PARD3: variants seen among roughly 807,000 people sequenced by gnomAD.
PARD3 encodes the protein par-3 family cell polarity regulator, also known as partitioning defective 3 homolog.
A neutral mutation model predicts 155.4 loss-of-function variants in PARD3; 75 were observed. The observed-to-expected ratio is 0.48, with a 90% CI of 0.40 to 0.58. The LOEUF is 0.58. PARD3 is among the 20% of genes least tolerant of loss of function. The probability of loss-of-function intolerance (pLI) is 0.00; values close to 1 mark genes in which losing one functional copy is unlikely to be tolerated. For synonymous variants in PARD3, 576 were observed against 610.5 expected (o/e 0.94, Z 0.83); for missense variants, 1,642 against 1,721.7 (o/e 0.95, Z 0.82).
In PARD3 at chr10:34,612,178, G is replaced by C. The variant is rs2090961078; in HGVS notation, c.222+84140C>G. Among the ~76,000 whole-genome samples, 2 of 152,072 alleles carry C rather than the reference G, an allele frequency of 1.3e-5. 1 individual carries two copies. Among genetic ancestry groups the C allele is most frequent in the African/African-American group, 4.8e-5 (2 of 41,396 alleles). On this transcript the variant is annotated intron_variant, in intron 2 of 24. Coordinates refer to ENST00000374788, the MANE Select transcript of PARD3 (RefSeq NM_001184785.2). ...AATGTAGTATGCATCTGTTCATGCA[G>C]TATATAACCTATACAGAAACATAAC...
chr10:34,351,236 T>C (rs556641045), intron 14 of PARD3, among the ~76,000 whole-genome samples: 1 of 147,658 alleles, frequency 6.8e-6, no homozygotes, highest in South Asian at 2.4e-4. Flanking sequence ...CAAGATCATA[T>C]TATTCAATAT....
Position 34,805,892 on chromosome 10 carries a change from G to A in PARD3, c.120+8984C>T, listed in dbSNP as rs879599128. 3.3e-5 allele frequency among the ~76,000 whole-genome samples: 5 copies of A among 152,066 alleles called. 1 individual carries two copies. Among genetic ancestry groups the A allele is most frequent in the African/African-American group, 1.2e-4 (5 of 41,524 alleles). ...CTCGGGAGGCTGAGGCAGGAGAATG[G>A]CGTGAACCTAGGAGGTGGAGCTTGC... On this transcript the variant is annotated intron_variant, in intron 1 of 24. Coordinates refer to ENST00000374788, the MANE Select transcript of PARD3 (RefSeq NM_001184785.2).
At chr10:34,345,162 CA>C in intron 15 of PARD3, 1 of 985,204 alleles carries the variant, frequency 1.0e-6, no homozygotes, top group Middle Eastern at 5.2e-4. Context: ...CAAAGTAAAA[CA>C]AAAAACATCA....
intron 5 of PARD3, among the ~76,000 whole-genome samples, chr10:34,439,841 G>A (rs890975698): frequency 7.2e-5 from 11 of 151,922 alleles, no homozygotes; most frequent in East Asian, 1.9e-4. Context: ...CCGCAATACC[G>A]TACTTTAATT....
intron 2 of PARD3, among the ~76,000 whole-genome samples, chr10:34,544,860 A>C (rs749785584): frequency 6.6e-6 from 1 of 152,190 alleles, no homozygotes; most frequent in East Asian, 1.9e-4. Flanking sequence ...ACACTGGAGC[A>C]CCTCTTGCTT....
chr10:34,506,049 C>T (rs960796963), intron 3 of PARD3, among the ~76,000 whole-genome samples: 1 of 152,062 alleles, frequency 6.6e-6, no homozygotes, highest in Non-Finnish European at 1.5e-5. Context: ...TCACTTGAAC[C>T]CAGGAGGTGG....
chr10:34,114,307 TC>T (rs1564402592), intron 24 of PARD3, among the ~76,000 whole-genome samples: 1 of 152,158 alleles, frequency 6.6e-6, no homozygotes, highest in Non-Finnish European at 1.5e-5. Flanking sequence ...TAGGGAGGCA[TC>T]TTTTTGACCA....
At chr10:34,294,868 A>C (rs1202006470) in intron 20 of PARD3, among the ~76,000 whole-genome samples, 1 of 152,156 alleles carries the variant, frequency 6.6e-6, no homozygotes, top group Non-Finnish European at 1.5e-5. Context: ...ATTTGCTTAA[A>C]GTCACCATCT....
chr10:34,163,152 A>G (rs912841272), intron 22 of PARD3, among the ~76,000 whole-genome samples: 1 of 152,196 alleles, frequency 6.6e-6, no homozygotes, highest in East Asian at 1.9e-4. Flanking sequence ...TACCCTTGGT[A>G]GGACTTAGAG....
chr10:34,529,371 C>A (rs2082684745), intron 2 of PARD3, among the ~76,000 whole-genome samples: 1 of 152,164 alleles, frequency 6.6e-6, no homozygotes, highest in South Asian at 2.1e-4. Context: ...TTTCACAAAA[C>A]TAGGGAAAGA....
intron 22 of PARD3, among the ~76,000 whole-genome samples, chr10:34,223,101 C>T (rs1346689116): frequency 1.3e-5 from 2 of 152,054 alleles, no homozygotes; most frequent in Non-Finnish European, 2.9e-5. Context: ...TGAAGCTGGA[C>T]GTGTGGGGTC....
chr10:34,303,129 A>T (rs549900380), intron 20 of PARD3, among the ~76,000 whole-genome samples: 1 of 150,496 alleles, frequency 6.6e-6, no homozygotes, highest in East Asian at 2.0e-4. Context: ...GTGAAAAATA[A>T]AACCCTCAGA....
At chr10:34,467,329 T>TGTGTG (rs2078070980) in intron 4 of PARD3, among the ~76,000 whole-genome samples, 1 of 146,986 alleles carries the variant, frequency 6.8e-6, no homozygotes, top group African/African-American at 2.5e-5. Context: ...TGACTCCAAC[T>TGTGTG]TGTGTGTGTG....
At chr10:34,566,981 G>C (rs1053657988) in intron 2 of PARD3, among the ~76,000 whole-genome samples, 6 of 152,040 alleles carry the variant, frequency 3.9e-5, no homozygotes, top group African/African-American at 1.4e-4. Context: ...TGTATTTTAA[G>C]ATAACATTTA....
At chr10:34,249,124 C>T (rs751961916) in intron 22 of PARD3, among the ~76,000 whole-genome samples, 6 of 152,222 alleles carry the variant, frequency 3.9e-5, no homozygotes, top group Admixed American at 1.3e-4. Flanking sequence ...AGGTCTAGTC[C>T]AATGAATATA....
intron 2 of PARD3, among the ~76,000 whole-genome samples, chr10:34,590,126 C>G (rs1306849346): frequency 1.3e-5 from 2 of 152,128 alleles, no homozygotes; most frequent in Non-Finnish European, 2.9e-5. Flanking sequence ...CTCAGCAGGA[C>G]GTCCTTCTCA....
intron 3 of PARD3, among the ~76,000 whole-genome samples, chr10:34,513,882 G>GTTGGGCATT (rs1296521458): frequency 4.6e-5 from 7 of 152,132 alleles, no homozygotes; most frequent in Non-Finnish European, 7.4e-5. Context: ...AACTCCACCA[G>GTTGGGCATT]TTGTCACAAC....
At chr10:34,482,807 A>C (rs1008094981) in intron 3 of PARD3, among the ~76,000 whole-genome samples, 1 of 152,034 alleles carries the variant, frequency 6.6e-6, no homozygotes, top group Non-Finnish European at 1.5e-5. Flanking sequence ...TAGAGGGAGG[A>C]TAGAGGGGCA....
At chr10:34,771,027 C>T (rs1403564398) in intron 1 of PARD3, among the ~76,000 whole-genome samples, 1 of 151,922 alleles carries the variant, frequency 6.6e-6, no homozygotes, top group African/African-American at 2.4e-5. Flanking sequence ...TGATGGAAGA[C>T]ATAAAAGGGA....
Sources: allele counts gnomAD v4.1 joint callset (sites outside exome capture counted in the v4.1 genomes callset), GRCh38; gene constraint gnomAD v4.1.1; transcripts MANE v1.5; gene names NCBI Gene and HGNC (gene_info 2026-07-23, HGNC 2026-07-21).